Variants in EXOC6B observed in about 807,000 individuals in gnomAD.
EXOC6B encodes the protein SEC15 homolog B.
Under a neutral mutation model 113.5 loss-of-function variants are expected in EXOC6B, and 54 were observed. The observed-to-expected ratio is 0.48, with a 90% CI of 0.38 to 0.60. EXOC6B has a LOEUF of 0.60. Ranked by LOEUF, EXOC6B falls within the 20% of genes least tolerant of loss-of-function variation. The pLI is 0.00. For missense variants in EXOC6B, 797 were observed against 977.5 expected (o/e 0.82, Z 2.46); for synonymous variants, 357 against 339.0 (o/e 1.05, Z -0.58).
At chr2:72,780,826 C>T (rs190683184) in intron 1 of EXOC6B, among the ~76,000 whole-genome samples, 6 of 152,106 alleles carry the variant, frequency 3.9e-5, no homozygotes, top group South Asian at 2.1e-4. Flanking sequence ...ATTTCCTCCC[C>T]GTGTAATGGC....
chr2:72,777,225 C>A (rs1475356342), intron 1 of EXOC6B, among the ~76,000 whole-genome samples: 2 of 152,110 alleles, frequency 1.3e-5, no homozygotes, highest in East Asian at 3.9e-4. Context: ...GCCTGGGCAA[C>A]AGAGCGAGAC....
intron 20 of EXOC6B, among the ~76,000 whole-genome samples, chr2:72,243,740 A>G (rs1263953663): frequency 6.6e-6 from 1 of 152,206 alleles, no homozygotes; most frequent in Non-Finnish European, 1.5e-5. Context: ...CTTAAAGTAT[A>G]ATTTTAAAAA....
intron 20 of EXOC6B, among the ~76,000 whole-genome samples, chr2:72,291,369 T>C (rs533709345): frequency 5.8e-4 from 89 of 152,308 alleles, no homozygotes; most frequent in South Asian, 1.9e-3. Context: ...GACTGAGAAA[T>C]TCACAAATAT....
At chr2:72,400,459 A>T (rs934317645) in intron 18 of EXOC6B, among the ~76,000 whole-genome samples, 1 of 152,070 alleles carries the variant, frequency 6.6e-6, no homozygotes. Context: ...TTAAACTAGA[A>T]AGCATCTGCA....
chr2:72,474,348 A>G (rs1279875649), intron 17 of EXOC6B, among the ~76,000 whole-genome samples: 1 of 152,154 alleles, frequency 6.6e-6, no homozygotes, highest in African/African-American at 2.4e-5. Flanking sequence ...TACTGCATTA[A>G]GTAAGTTTTC....
At chr2:72,725,152 C>T (rs1378904507) in intron 5 of EXOC6B, among the ~76,000 whole-genome samples, 1 of 152,084 alleles carries the variant, frequency 6.6e-6, no homozygotes, top group Non-Finnish European at 1.5e-5. Flanking sequence ...TGCCTGAAAA[C>T]AAATGATAAA....
intron 11 of EXOC6B, among the ~76,000 whole-genome samples, chr2:72,502,909 G>A (rs1263936851): frequency 6.6e-6 from 1 of 151,572 alleles, no homozygotes; most frequent in Non-Finnish European, 1.5e-5. Flanking sequence ...TGTATTTTGG[G>A]GTCAGCATTT....
At chr2:72,263,944 G>A (rs903870859) in intron 20 of EXOC6B, among the ~76,000 whole-genome samples, 5 of 152,174 alleles carry the variant, frequency 3.3e-5, no homozygotes, top group East Asian at 1.9e-4. Context: ...CAGACAGGCA[G>A]GCAGAATGCT....
At chr2:72,710,795 G>A (rs1403936654) in intron 6 of EXOC6B, among the ~76,000 whole-genome samples, 1 of 152,186 alleles carries the variant, frequency 6.6e-6, no homozygotes, top group Non-Finnish European at 1.5e-5. Flanking sequence ...AAAGGACCAT[G>A]ATGACAACTA....
intron 6 of EXOC6B, among the ~76,000 whole-genome samples, chr2:72,656,942 C>G (rs188445084): frequency 2.0e-5 from 3 of 152,116 alleles, no homozygotes; most frequent in East Asian, 3.9e-4. Context: ...ACCTCCACCC[C>G]CTAGGTTCAA....
At chr2:72,824,392 T>C (rs774526155) in intron 1 of EXOC6B, among the ~76,000 whole-genome samples, 1 of 152,104 alleles carries the variant, frequency 6.6e-6, no homozygotes, top group Admixed American at 6.5e-5. Flanking sequence ...TCTCAATAAA[T>C]GAATATTAGG....
intron 6 of EXOC6B, among the ~76,000 whole-genome samples, chr2:72,690,469 T>C (rs1677404963): frequency 6.6e-6 from 1 of 152,224 alleles, no homozygotes; most frequent in Middle Eastern, 3.2e-3. Flanking sequence ...AGGTTCTCAT[T>C]TGAGTCTTTA....
Position 72,825,701 on chromosome 2 carries a change from C to A in EXOC6B, c.113+97G>T, listed in dbSNP as rs1686861949. 1.5e-6 allele frequency: 2 copies of A among 1,359,414 alleles called. No homozygotes were observed. The highest frequency in any genetic ancestry group is 2.8e-5 in the Admixed American group (1 of 35,538). 84.2% of individuals were successfully genotyped at this position (1,359,414 alleles called of 1,614,324 possible). On this transcript the variant is annotated intron_variant, in intron 1 of 21. Coordinates refer to ENST00000272427, the MANE Select transcript of EXOC6B (RefSeq NM_015189.3). The surrounding 1 kb of genome is among the most constrained non-coding windows in gnomAD (Gnocchi z 4.4). ...GGGTCTCTCCGAAGGGAGGGGCCGGCGCCGGACCTGGGGACAGCCGGCCGG... is the reference window on the plus strand; with the variant it reads ...GGGTCTCTCCGAAGGGAGGGGCCGGAGCCGGACCTGGGGACAGCCGGCCGG...
At chr2:72,503,655 C>G (rs919848807) in intron 11 of EXOC6B, among the ~76,000 whole-genome samples, 1 of 152,166 alleles carries the variant, frequency 6.6e-6, no homozygotes, top group South Asian at 2.1e-4. Context: ...CTATACACAT[C>G]TGTGTGAAGG....
intron 6 of EXOC6B, among the ~76,000 whole-genome samples, chr2:72,584,533 G>C (rs1171368705): frequency 6.6e-6 from 1 of 152,146 alleles, no homozygotes; most frequent in Non-Finnish European, 1.5e-5. Flanking sequence ...CTTGACCTAA[G>C]AAAAGACTCA....
At chr2:72,757,970 G>A (rs1046150545) in intron 1 of EXOC6B, among the ~76,000 whole-genome samples, 2 of 151,892 alleles carry the variant, frequency 1.3e-5, no homozygotes, top group Admixed American at 6.6e-5. Flanking sequence ...CAACCAGCCC[G>A]GGCAACATAG....
At chr2:72,779,823 C>T (rs11892199) in intron 1 of EXOC6B, among the ~76,000 whole-genome samples, 8,198 of 152,134 alleles carry the variant, frequency 0.054, 737 homozygotes, top group African/African-American at 0.19. Flanking sequence ...CTCAGAGATA[C>T]AATAGATGCC....
intron 8 of EXOC6B, among the ~76,000 whole-genome samples, chr2:72,516,407 C>T (rs1030953901): frequency 6.6e-6 from 1 of 152,074 alleles, no homozygotes; most frequent in Non-Finnish European, 1.5e-5. Context: ...GCCACCATGC[C>T]CAGCTAATTT....
At chr2:72,658,904 T>C (rs2104439577) in intron 6 of EXOC6B, among the ~76,000 whole-genome samples, 1 of 152,180 alleles carries the variant, frequency 6.6e-6, no homozygotes, top group South Asian at 2.1e-4. Flanking sequence ...ATACAAACCA[T>C]GATGTCTTTT....
Sources: gnomAD v4.1 joint callset for allele counts (sites outside exome capture counted in the v4.1 genomes callset) on GRCh38, gnomAD v4.1.1 for gene constraint, Gnocchi (gnomAD v3.1) non-coding constraint, MANE v1.5 for transcripts, NCBI Gene and HGNC (gene_info 2026-07-23, HGNC 2026-07-21) for gene names.